Variants in TGM4 observed in about 807,000 individuals in gnomAD.
TGM4 encodes the protein protein-glutamine gamma-glutamyltransferase 4.
TGM4 carries 61 observed loss-of-function variants against 76.3 expected under a neutral mutation model. The ratio of observed to expected loss-of-function variants is 0.80; its 90% confidence interval spans 0.65 to 0.99. TGM4 has a LOEUF of 0.99. TGM4 is among the 50% of genes least tolerant of loss of function. The probability of loss-of-function intolerance (pLI) is 0.00; values close to 1 mark genes in which losing one functional copy is unlikely to be tolerated. For synonymous variants in TGM4, 337 were observed against 329.8 expected (o/e 1.02, Z -0.24); for missense variants, 794 against 843.2 (o/e 0.94, Z 0.72).
intron 5 of TGM4, among the ~76,000 whole-genome samples, chr3:44,893,896 C>A (rs1462358480): frequency 6.6e-6 from 1 of 151,554 alleles, no homozygotes; most frequent in African/African-American, 2.4e-5. Context: ...AGAAGCCCTT[C>A]CACAAAGGTC....
chr3:44,897,094 A>C (rs6765789), intron 6 of TGM4, among the ~76,000 whole-genome samples: 150,100 of 150,716 alleles, frequency 1, 74,745 homozygotes, highest in Middle Eastern at 1. Context: ...ACCTCCACCC[A>C]TCCAGGTTTT....
chr3:44,905,764 C>A (rs1191934675), intron 9 of TGM4, among the ~76,000 whole-genome samples: 1 of 152,202 alleles, frequency 6.6e-6, no homozygotes, highest in Admixed American at 6.5e-5. Context: ...AGGCATTGCC[C>A]TTATAATAGG....
chr3:44,896,912 T>G, intron 6 of TGM4, 96 bp downstream of exon 6: 1 of 944,180 alleles, frequency 1.1e-6, no homozygotes. Context: ...CTCTTTGAAG[T>G]ACACCACTGT....
intron 2 of TGM4, 152 bp from the exon 3 acceptor site, chr3:44,887,537 G>A: frequency 1.5e-6 from 1 of 645,498 alleles, no homozygotes; most frequent in Non-Finnish European, 2.7e-6. Context: ...GGAGGCCCCT[G>A]CAGAATTAGA....
chr3:44,913,697 C>A lies in TGM4; in HGVS notation c.2027C>A (p.Ala676Asp). Residue 676 changes from alanine (A) to aspartate (D), a missense_variant, in exon 14 of 14, where the codon GCT becomes GAT. By Grantham distance (126) the Ala-to-Asp change is moderately radical. Transcript: ENST00000296125. Reference sequence around the variant, plus strand: ...TCCAAACAAGTGAAAGAGATTAATGCTCAGAAGATTGTTCTCATCACCAAG... The same window carrying A: ...TCCAAACAAGTGAAAGAGATTAATGATCAGAAGATTGTTCTCATCACCAAG... ...LSSKQVKEINAQKIVLITK is the reference protein window; with the variant it reads ...LSSKQVKEINDQKIVLITK 1.2e-6 allele frequency: 2 copies of A among 1,614,086 alleles called. No individual in the cohort carries two copies. The highest frequency in any genetic ancestry group is 1.7e-6 in the Non-Finnish European group (2 of 1,179,974).
chr3:44,874,729 A>G, intron 1 of TGM4, 32 bp downstream of exon 1: 1 of 1,614,032 alleles, frequency 6.2e-7, no homozygotes, highest in Non-Finnish European at 8.5e-7. Flanking sequence ...GGAGCCCCAC[A>G]TGCCCCTTCA....
chr3:44,881,958 C>G (rs1699538995), intron 1 of TGM4, among the ~76,000 whole-genome samples: 1 of 152,002 alleles, frequency 6.6e-6, no homozygotes, highest in Admixed American at 6.6e-5. Context: ...TGCAGGTTTC[C>G]CTGGTCATCT....
chr3:44,904,087 G>A lies in TGM4; in HGVS notation c.1075+100G>A, dbSNP rs946511900. 16 of 1,078,354 alleles carry A rather than the reference G, an allele frequency of 1.5e-5. No individual in the cohort carries two copies. The Middle Eastern group carries it at 8.6e-4, about 58-fold the overall frequency. The allele number at this position is 1,078,354 out of a possible 1,614,324, so 66.8% of individuals were successfully genotyped here. The stretch of plus-strand genomic sequence containing the variant: ...GTATGCAGCCAAGCAGGTGGGGAAA[G>A]TTTTCATAAAAATTTCCCAAAACAA... On this transcript the variant is annotated intron_variant, in intron 9 of 13. Transcript: ENST00000296125.
At chr3:44,912,825 G>A (rs1700022148) in intron 13 of TGM4, among the ~76,000 whole-genome samples, 1 of 152,098 alleles carries the variant, frequency 6.6e-6, no homozygotes, top group Admixed American at 6.6e-5. Flanking sequence ...ATTCCAAGAT[G>A]CATCAATATT....
rs1331886637 is a variant in TGM4, at chr3:44,899,512, AG to A, written c.658-2010del. The A allele has an allele frequency of 2.0e-5, 3 of 152,264 alleles. No homozygotes were observed. The East Asian group carries it at 5.8e-4, about 29-fold the overall frequency. 9.4% of individuals were successfully genotyped at this position (152,264 alleles called of 1,614,324 possible). On this transcript the variant is annotated intron_variant, in intron 6 of 13. Coordinates refer to ENST00000296125, the MANE Select transcript of TGM4 (RefSeq NM_003241.4). ...CTCCCCTTTTCCAGGTTCCCTATAA[AG>A]GTTGCCCCTTCACCCTTAGAAATTC...
Position 44,911,283 on chromosome 3 carries a change from G to C in TGM4, c.1790G>C (p.Gly597Ala). The change falls in exon 13 of 14, where the codon GGC becomes GCC. Residue 597 changes from glycine to alanine, a missense_variant. Transcript: ENST00000296125. ...PEFSIELPNT[G>A]RIGQLLVCNC... ...ACCCTACTACAGTTGCCTAACACAG[G>C]CAGAATTGGCCAGCTACTTGTCTGC... 6.2e-7 allele frequency: 1 copy of C among 1,614,170 alleles called. No homozygotes were observed. Among genetic ancestry groups the C allele is most frequent in the Non-Finnish European group, 8.5e-7 (1 of 1,180,038 alleles).
In TGM4 at chr3:44,890,772, C is replaced by A. The variant is rs141863726; in HGVS notation, c.430+40C>A. 219 of 1,609,814 alleles carry A rather than the reference C, an allele frequency of 1.4e-4. No individual in the cohort carries two copies. The African/African-American group carries it at 2.4e-3, about 18-fold the overall frequency. On this transcript the variant is annotated intron_variant, in intron 4 of 13. Transcript: ENST00000296125. The stretch of plus-strand genomic sequence containing the variant: ...AGGTCTGCTGGGGAATGGCAGGTGA[C>A]CCCGGCAAAACCTGCTATGTGCAAT...
At chr3:44,874,810 G>A (rs1181822770) in intron 1 of TGM4, 113 bp downstream of exon 1, 67 of 1,275,936 alleles carry the variant, frequency 5.3e-5, no homozygotes, top group Admixed American at 1.2e-4. Flanking sequence ...ACCCTGACTT[G>A]TGGCCCTGGT....
Position 44,911,092 on chromosome 3 carries a change from T to C in TGM4, c.1741T>C (p.Phe581Leu). ...TAAGGAAATCATGGCCTCTGAAGTA[T>C]TCACGTCTTTCCAGTACCCTGAGTT... Reference protein sequence around the residue: ...ESKEIMASEVFTSFQYPEFSI... With the variant: ...ESKEIMASEVLTSFQYPEFSI... Residue 581 changes from phenylalanine to leucine, a missense_variant, in exon 12 of 14, where the codon TTC becomes CTC. Phe to Leu is a conservative substitution (Grantham distance 22). Coordinates refer to ENST00000296125, the MANE Select transcript of TGM4 (RefSeq NM_003241.4). The C allele has an allele frequency of 2.5e-6, 4 of 1,614,202 alleles. No individual in the cohort carries two copies. The highest frequency in any genetic ancestry group is 2.5e-6 in the Non-Finnish European group (3 of 1,180,034).
intron 10 of TGM4, among the ~76,000 whole-genome samples, chr3:44,908,194 A>C (rs1199559117): frequency 6.6e-6 from 1 of 152,226 alleles, no homozygotes; most frequent in African/African-American, 2.4e-5. Context: ...AAGGCAGCTC[A>C]GGACAAACTG....
intron 10 of TGM4, among the ~76,000 whole-genome samples, chr3:44,908,396 TTTG>T (rs1244957164): frequency 2.7e-5 from 4 of 149,516 alleles, no homozygotes; most frequent in Admixed American, 2.6e-4. Context: ...TTTTGTTTTT[TTTG>T]TTTTTTGTTT....
At chr3:44,888,203 A>C in intron 3 of TGM4, 1 of 188,154 alleles carries the variant, frequency 5.3e-6, no homozygotes, top group Non-Finnish European at 1.1e-5. Flanking sequence ...GACCTAATGG[A>C]TGTTTTCCAC....
chr3:44,889,170 T>TAAAAAAAAAAA lies in TGM4; in HGVS notation c.300+1399_301-1399dup, dbSNP rs546432543. 1.2e-4 allele frequency: 5 copies of TAAAAAAAAAAA among 40,272 alleles called. 1 individual carries two copies. The highest frequency in any genetic ancestry group is 4.0e-4 in the African/African-American group (5 of 12,536). 2.5% of individuals were successfully genotyped at this position (40,272 alleles called of 1,614,324 possible). On this transcript the variant is annotated intron_variant, in intron 3 of 13. Coordinates refer to ENST00000296125, the MANE Select transcript of TGM4 (RefSeq NM_003241.4). ...CAACACAGGGCTACCCCATCTCTAC[T>TAAAAAAAAAAA]AAAAAAAAAAAAAAAAAAAAAAAAA...
In TGM4 at chr3:44,901,875, C is replaced by T. The variant is rs1320103151; in HGVS notation, c.915C>T (p.Asp305=). ...AHDTERNLTV[D]TYVNENGEKI... is the part of the protein sequence containing the mutation. Reference sequence around the variant, plus strand: ...ACACAGAAAGGAACCTCACGGTGGACACCTATGTGAATGAGAATGGCGAGA... The same window carrying T: ...ACACAGAAAGGAACCTCACGGTGGATACCTATGTGAATGAGAATGGCGAGA... Residue 305 remains aspartate (D), a synonymous_variant, in exon 8 of 14, where the codon GAC becomes GAT. Coordinates refer to ENST00000296125, the MANE Select transcript of TGM4 (RefSeq NM_003241.4). 1 of 1,614,114 alleles carries T rather than the reference C, an allele frequency of 6.2e-7. No individual in the cohort carries two copies. Among genetic ancestry groups the T allele is most frequent in the African/African-American group, 1.3e-5 (1 of 74,938 alleles).
Sources: allele counts gnomAD v4.1 joint callset (sites outside exome capture counted in the v4.1 genomes callset), GRCh38; gene constraint gnomAD v4.1.1; transcripts MANE v1.5; gene names NCBI Gene and HGNC (gene_info 2026-07-23, HGNC 2026-07-21).